The following SH3RF2 variants were observed in gnomAD, a reference collection of about 807,000 sequenced individuals.
The protein encoded by SH3RF2 is E3 ubiquitin-protein ligase SH3RF2.
SH3RF2 carries 43 observed loss-of-function variants against 59.0 expected under a neutral mutation model. The ratio of observed to expected loss-of-function variants is 0.73; its 90% CI spans 0.57 to 0.94. The LOEUF (loss-of-function observed/expected upper bound fraction) is 0.94, where lower values mean the gene tolerates loss of function less well. Among genes scored for constraint, SH3RF2 ranks in the 40% least tolerant of loss-of-function variants. The probability of loss-of-function intolerance (pLI) is 0.00; values close to 1 mark genes in which losing one functional copy is unlikely to be tolerated. For synonymous variants in SH3RF2, 391 were observed against 391.5 expected (o/e 1.00, Z 0.01); for missense variants, 930 against 940.1 (o/e 0.99, Z 0.14).
chr5:146,062,304 CATG>C, intron 9 of SH3RF2, 119 bp from the exon 10 acceptor site: 1 of 1,267,216 alleles, frequency 7.9e-7, no homozygotes, highest in Non-Finnish European at 1.1e-6. Context: ...ACTTGACACT[CATG>C]GTAGCCACAG....
At chr5:145,976,624 G>A (rs1321087272) in intron 2 of SH3RF2, among the ~76,000 whole-genome samples, 2 of 152,274 alleles carry the variant, frequency 1.3e-5, no homozygotes, top group Non-Finnish European at 1.5e-5. Flanking sequence ...AAGAAAAACG[G>A]AAGGTATTAG....
rs1367331812 is a variant in SH3RF2, at chr5:145,964,033, C to T, written c.378+25727C>T. Among the ~76,000 whole-genome samples, 6 of 151,842 alleles carry T rather than the reference C, an allele frequency of 4.0e-5. No individual in the cohort carries two copies. The South Asian group carries it at 8.3e-4, about 21-fold the overall frequency. ...ATTTTTAGTAGAGACGGGGTTTCAC[C>T]GTGTTAGACAGGATGGTCTCGATCT... On this transcript the variant is annotated intron_variant, in intron 2 of 9. Transcript: ENST00000359120.
At chr5:145,959,356 T>G (rs997351169) in intron 2 of SH3RF2, among the ~76,000 whole-genome samples, 1 of 152,172 alleles carries the variant, frequency 6.6e-6, no homozygotes, top group Non-Finnish European at 1.5e-5. Context: ...CTCTTTTAGT[T>G]GCAAGTGACA....
chr5:146,024,333 T>A (rs772206718), intron 5 of SH3RF2, among the ~76,000 whole-genome samples: 29 of 152,240 alleles, frequency 1.9e-4, no homozygotes, highest in Admixed American at 2.6e-4. Context: ...TCATGGCTAA[T>A]AAGAGCATCT....
At chr5:145,953,096 A>G (rs1758253568) in intron 2 of SH3RF2, among the ~76,000 whole-genome samples, 1 of 149,180 alleles carries the variant, frequency 6.7e-6, no homozygotes, top group Non-Finnish European at 1.5e-5. Context: ...TAGGCAGAAC[A>G]CCAACAGTCT....
chr5:145,979,387 G>A (rs1169065681), intron 2 of SH3RF2, among the ~76,000 whole-genome samples: 2 of 152,144 alleles, frequency 1.3e-5, no homozygotes, highest in African/African-American at 4.8e-5. Flanking sequence ...TTTTAAAGAG[G>A]GATTTGTTCA....
exon 10 of SH3RF2, chr5:146,079,990 A>T (rs935726243): frequency 2.6e-5 from 4 of 152,246 alleles, no homozygotes; most frequent in African/African-American, 9.6e-5. Flanking sequence ...GTCTCTGGGA[A>T]CTTTCCATGA....
chr5:145,993,799 C>T (rs918624018), intron 2 of SH3RF2, among the ~76,000 whole-genome samples: 1 of 152,224 alleles, frequency 6.6e-6, no homozygotes. Context: ...CTCTGACATG[C>T]CCTGGAGACA....
At chr5:145,987,221 G>A (rs1424831336) in intron 2 of SH3RF2, among the ~76,000 whole-genome samples, 1 of 152,126 alleles carries the variant, frequency 6.6e-6, no homozygotes, top group African/African-American at 2.4e-5. Context: ...ATAAGTTATT[G>A]GGGTACAGGT....
At position 146,062,598 on chromosome 5, in the gene SH3RF2, A is replaced by T; in HGVS notation, c.2087A>T (p.His696Leu). Residue 696 changes from histidine (H) to leucine (L), a missense_variant, in exon 10 of 10, where the codon CAC (histidine) becomes CTC (leucine). Coordinates refer to ENST00000359120, the MANE Select transcript of SH3RF2 (RefSeq NM_152550.4). ...TVLFAHRSGC[H>L]SGQQTDLRRK... ...CTATTTGCCCACCGAAGTGGCTGCC[A>T]CTCCGGACAGCAGACAGACCTCCGG... 1 of 1,614,056 alleles carries T rather than the reference A, an allele frequency of 6.2e-7. No homozygotes were observed. Among genetic ancestry groups the T allele is most frequent in the Non-Finnish European group, 8.5e-7 (1 of 1,179,992 alleles).
At chr5:145,979,731 A>G (rs1464234949) in intron 2 of SH3RF2, among the ~76,000 whole-genome samples, 1 of 152,218 alleles carries the variant, frequency 6.6e-6, no homozygotes, top group African/African-American at 2.4e-5. Context: ...TGTCAAATGG[A>G]TGAATAATAG....
At chr5:146,045,692 G>A (rs1277909378) in intron 5 of SH3RF2, among the ~76,000 whole-genome samples, 1 of 152,130 alleles carries the variant, frequency 6.6e-6, no homozygotes, top group Non-Finnish European at 1.5e-5. Context: ...ATATTTCATT[G>A]TATGGTTGTA....
At chr5:146,041,370 G>A (rs1030804583) in intron 5 of SH3RF2, among the ~76,000 whole-genome samples, 7 of 152,172 alleles carry the variant, frequency 4.6e-5, no homozygotes, top group African/African-American at 1.7e-4. Context: ...ATGTTACACA[G>A]TATGTTACAG....
chr5:145,952,145 A>G (rs1286150146), intron 2 of SH3RF2, among the ~76,000 whole-genome samples: 1 of 152,186 alleles, frequency 6.6e-6, no homozygotes, highest in African/African-American at 2.4e-5. Flanking sequence ...CTGCATAAGT[A>G]TCCATCTTAT....
rs374913959 is a variant in SH3RF2, at chr5:146,007,966, GC to G, written c.744+3814del. On this transcript the variant is annotated intron_variant, in intron 4 of 9. Transcript: ENST00000359120. ...CTTTGAATTACCAGTGCCATGGAAA[GC>G]AATTGGAAGGAAGGGAGGCTTTCTT... is the stretch of plus-strand genomic sequence containing the variant. 2.4e-4 allele frequency among the ~76,000 whole-genome samples: 37 copies of G among 152,332 alleles called. No homozygotes were observed. In the South Asian group the frequency reaches 6.6e-3, roughly 27 times the overall value.
rs1425559632 is a variant in SH3RF2 at position 146,011,783 on chromosome 5, A to G, written c.745-1964A>G. Reference sequence around the variant, plus strand: ...TATCAGCTTAAGGAGATTTTGGGCTAAGACGATGGGGTTTTCTAAATATAC... The same window carrying G: ...TATCAGCTTAAGGAGATTTTGGGCTGAGACGATGGGGTTTTCTAAATATAC... On this transcript the variant is annotated intron_variant, in intron 4 of 9. Coordinates refer to ENST00000359120, the MANE Select transcript of SH3RF2 (RefSeq NM_152550.4). 1.1e-4 allele frequency among the ~76,000 whole-genome samples: 17 copies of G among 151,796 alleles called. 3 individuals are homozygous for G. Among genetic ancestry groups the G allele is most frequent in the African/African-American group, 3.9e-4 (16 of 41,372 alleles).
chr5:145,946,258 T>C (rs1348567996), intron 2 of SH3RF2, among the ~76,000 whole-genome samples: 1 of 152,192 alleles, frequency 6.6e-6, no homozygotes, highest in African/African-American at 2.4e-5. Flanking sequence ...AAATAGTAGC[T>C]GAGTTCATCT....
At chr5:146,064,132 G>A (rs1282460780), downstream of SH3RF2, among the ~76,000 whole-genome samples, 1 of 152,066 alleles carries the variant, frequency 6.6e-6, no homozygotes, top group African/African-American at 2.4e-5. Context: ...AGAAAACAGG[G>A]GAGAGGAGAA....
At chr5:146,062,276 T>C in intron 9 of SH3RF2, 150 bp from the exon 10 acceptor site, 1 of 978,802 alleles carries the variant, frequency 1.0e-6, no homozygotes, top group Non-Finnish European at 1.5e-6. Flanking sequence ...CAGCATCTTG[T>C]ACTTCCCCCA....
Sources: gnomAD v4.1 joint callset for allele counts (sites outside exome capture counted in the v4.1 genomes callset) on GRCh38, gnomAD v4.1.1 for gene constraint, MANE v1.5 for transcripts, NCBI Gene and HGNC (gene_info 2026-07-23, HGNC 2026-07-21) for gene names.